The following ROBO2 variants were observed in gnomAD, a reference collection of about 807,000 sequenced individuals.
The protein encoded by ROBO2 is roundabout homolog 2.
ROBO2 carries 53 observed loss-of-function variants against 160.8 expected under a neutral mutation model. The ratio of observed to expected loss-of-function variants is 0.33; its 90% CI spans 0.26 to 0.41. The LOEUF (loss-of-function observed/expected upper bound fraction) is 0.41. Among genes scored for constraint, ROBO2 ranks in the 10% least tolerant of loss-of-function variants. The probability of loss-of-function intolerance (pLI) is 1.00; values close to 1 mark genes in which losing one functional copy is unlikely to be tolerated. For synonymous variants in ROBO2, 664 were observed against 611.7 expected, an observed-to-expected ratio of 1.09 and a Z score of -1.26; for missense variants, 1,577 against 1,722.4, an observed-to-expected ratio of 0.92 and a Z score of 1.49.
chr3:76,889,222 G>C (rs1489298696), intron 2 of ROBO2, among the ~76,000 whole-genome samples: 1 of 152,146 alleles, frequency 6.6e-6, no homozygotes, highest in Non-Finnish European at 1.5e-5. Flanking sequence ...CACTTGCTTA[G>C]TGTAGGCACA....
chr3:76,955,300 A>G (rs577318066), intron 2 of ROBO2, among the ~76,000 whole-genome samples: 5 of 152,112 alleles, frequency 3.3e-5, no homozygotes, highest in Non-Finnish European at 7.3e-5. Flanking sequence ...CTTGGTTACT[A>G]TGAATAATGC....
chr3:76,182,902 G>C (rs1017740524), intron 2 of ROBO2, among the ~76,000 whole-genome samples: 1 of 152,034 alleles, frequency 6.6e-6, no homozygotes, highest in Non-Finnish European at 1.5e-5. Flanking sequence ...CTTGTTCCTG[G>C]TGTCTATTTG....
chr3:76,175,963 A>T (rs1187940460), intron 2 of ROBO2, among the ~76,000 whole-genome samples: 1 of 152,080 alleles, frequency 6.6e-6, no homozygotes. Context: ...AATCTCACTC[A>T]GCCAGAATTT....
chr3:76,908,380 T>G (rs566659383), intron 2 of ROBO2, among the ~76,000 whole-genome samples: 2 of 152,290 alleles, frequency 1.3e-5, no homozygotes, highest in Non-Finnish European at 2.9e-5. Context: ...TAAAATAAAA[T>G]GTAGTTCACC....
intron 2 of ROBO2, among the ~76,000 whole-genome samples, chr3:77,308,587 T>C (rs1002360814): frequency 6.6e-6 from 1 of 152,154 alleles, no homozygotes; most frequent in African/African-American, 2.4e-5. Context: ...AAAATTTAAA[T>C]AGTACCAGTT....
chr3:77,174,679 A>T (rs1234461333), intron 2 of ROBO2, among the ~76,000 whole-genome samples: 2 of 152,020 alleles, frequency 1.3e-5, no homozygotes, highest in Admixed American at 1.3e-4. Flanking sequence ...TAACAAACCT[A>T]TCTGCTTATG....
At chr3:76,273,043 A>G (rs1338356725) in intron 2 of ROBO2, among the ~76,000 whole-genome samples, 2 of 102,606 alleles carry the variant, frequency 1.9e-5, no homozygotes, top group East Asian at 5.2e-4. Flanking sequence ...TATAAAATAT[A>G]TATTATATAA....
chr3:76,090,290 A>G (rs1303042062), intron 2 of ROBO2, among the ~76,000 whole-genome samples: 2 of 152,040 alleles, frequency 1.3e-5, no homozygotes, highest in Admixed American at 1.3e-4. Flanking sequence ...GTGAAACTCC[A>G]TCTCCAGTAA....
At chr3:77,182,518 C>T (rs561769662) in intron 2 of ROBO2, among the ~76,000 whole-genome samples, 5 of 152,036 alleles carry the variant, frequency 3.3e-5, no homozygotes, top group African/African-American at 4.8e-5. Context: ...GGATTGAATT[C>T]GAGCCCGTTC....
intron 2 of ROBO2, among the ~76,000 whole-genome samples, chr3:77,186,343 T>C (rs1011055929): frequency 1.3e-4 from 20 of 151,912 alleles, no homozygotes; most frequent in African/African-American, 4.8e-4. Context: ...TTCTATAGAT[T>C]AATAACTTTA....
At chr3:77,186,089 CG>C (rs1268220423) in intron 2 of ROBO2, among the ~76,000 whole-genome samples, 1 of 151,802 alleles carries the variant, frequency 6.6e-6, no homozygotes, top group Non-Finnish European at 1.5e-5. Context: ...GTGTACTGCT[CG>C]GGTGATGGGT....
intron 2 of ROBO2, among the ~76,000 whole-genome samples, chr3:76,857,606 C>T (rs1320855382): frequency 1.3e-5 from 2 of 152,082 alleles, no homozygotes; most frequent in East Asian, 3.9e-4. Context: ...ACAATGAACA[C>T]GTTTTTGCTG....
At chr3:77,441,518 G>A (rs544892657) in intron 2 of ROBO2, among the ~76,000 whole-genome samples, 1 of 151,946 alleles carries the variant, frequency 6.6e-6, no homozygotes, top group Non-Finnish European at 1.5e-5. Flanking sequence ...CCTTTTGCAA[G>A]GATTGAAAAT....
chr3:76,875,547 A>G (rs1445461526), intron 2 of ROBO2, among the ~76,000 whole-genome samples: 1 of 152,056 alleles, frequency 6.6e-6, no homozygotes, highest in Admixed American at 6.6e-5. Context: ...TCCTGACTGG[A>G]TCTATTCCTT....
At chr3:76,993,057 A>C (rs1422703247) in intron 2 of ROBO2, among the ~76,000 whole-genome samples, 1 of 152,146 alleles carries the variant, frequency 6.6e-6, no homozygotes, top group Non-Finnish European at 1.5e-5. Context: ...ACCTCAAGTG[A>C]GCCACCTGCC....
At chr3:76,084,328 C>G (rs2068936218) in intron 2 of ROBO2, among the ~76,000 whole-genome samples, 1 of 152,156 alleles carries the variant, frequency 6.6e-6, no homozygotes, top group Admixed American at 6.5e-5. Context: ...TTCTTCTCCA[C>G]AGCCACCGGA....
intron 2 of ROBO2, among the ~76,000 whole-genome samples, chr3:76,551,437 C>T (rs886262541): frequency 7.9e-5 from 12 of 152,254 alleles, no homozygotes; most frequent in South Asian, 6.2e-4. Context: ...CAGTTGTCCA[C>T]GTACCTCATT....
intron 2 of ROBO2, among the ~76,000 whole-genome samples, chr3:76,475,400 A>C (rs1276487782): frequency 6.6e-6 from 1 of 152,162 alleles, no homozygotes; most frequent in African/African-American, 2.4e-5. Flanking sequence ...GGTGATGTGC[A>C]GCCATGGTGA....
chr3:76,738,064 G>A (rs1328605550), intron 2 of ROBO2, among the ~76,000 whole-genome samples: 2 of 152,014 alleles, frequency 1.3e-5, no homozygotes, highest in Admixed American at 1.3e-4. Context: ...AGCCCAGGAG[G>A]TCGAGGCTGC....
Sources: gnomAD v4.1 joint callset for allele counts (sites outside exome capture counted in the v4.1 genomes callset) on GRCh38, gnomAD v4.1.1 for gene constraint, MANE v1.5 for transcripts, NCBI Gene and HGNC (gene_info 2026-07-23, HGNC 2026-07-21) for gene names.